PGRMC1: variants seen among roughly 807,000 people sequenced by gnomAD.
PGRMC1 encodes membrane-associated progesterone receptor component 1.
For synonymous variants in PGRMC1, 73 were observed against 77.3 expected (o/e 0.94, Z 0.29); for missense variants, 145 against 169.0 (o/e 0.86, Z 0.79).
intron 1 of PGRMC1, among the ~76,000 whole-genome samples, chrX:119,237,592 A>T (rs934969501): frequency 2.7e-5 from 3 of 110,749 alleles, no homozygotes; most frequent in Non-Finnish European, 5.7e-5. Context: ...AGCAGGAGAG[A>T]AAGGATTAGA....
In PGRMC1 at chrX:119,236,450, G is replaced by T. The variant is rs759428201; in HGVS notation, c.87G>T (p.Pro29=). The T allele has an allele frequency of 8.3e-7, 1 of 1,210,052 alleles. No individual in the cohort carries two copies. Among genetic ancestry groups the T allele is most frequent in the East Asian group, 3.0e-5 (1 of 33,742 alleles). ...TGCTGCATGAGATTTTCACGTCGCC[G>T]CTCAACCTGCTGCTGCTTGGCCTCT... ...GGLLHEIFTS[P]LNLLLLGLCI... is the part of the protein sequence containing the mutation. The change falls in exon 1 of 3, where the codon CCG becomes CCT. Residue 29 remains proline (P), a synonymous_variant. Transcript: ENST00000217971.
chrX:119,241,527 A>C (rs1375519155), intron 2 of PGRMC1, among the ~76,000 whole-genome samples: 1 of 112,310 alleles, frequency 8.9e-6, no homozygotes, highest in Non-Finnish European at 1.9e-5. Flanking sequence ...TGTAGTGTCT[A>C]ACTTACAAAG....
chrX:119,242,617 T>C (rs1416031635), intron 2 of PGRMC1, among the ~76,000 whole-genome samples: 1 of 111,402 alleles, frequency 9.0e-6, no homozygotes, highest in Non-Finnish European at 1.9e-5. Flanking sequence ...AGGCTGGCTT[T>C]TCAGATCTTT....
chrX:119,244,078 A>G lies in PGRMC1; in HGVS notation c.*824A>G, dbSNP rs756868741. 1 of 112,417 alleles carries G rather than the reference A, an allele frequency of 8.9e-6. No individual in the cohort carries two copies. The allele number at this position is 112,417 out of a possible 1,213,427, so 9.3% of individuals were successfully genotyped here. ...TTGAAATGAGGGAGGGACATACAGA[A>G]TAGGAACAGGTGTTTGCTCTCCTAA... is the stretch of plus-strand genomic sequence containing the variant. On this transcript the variant is annotated 3_prime_UTR_variant, in exon 3 of 3. Transcript: ENST00000217971.
In PGRMC1 at chrX:119,236,646, G is replaced by A. The variant is rs1930705494; in HGVS notation, c.283G>A (p.Gly95Ser). Residue 95 changes from glycine (G) to serine (S), a missense_variant, in exon 1 of 3, where the codon GGC becomes AGC. By Grantham distance (56) the Gly-to-Ser change is moderately conservative. Transcript: ENST00000217971. ...CCCGCGCATACTCATGGCCATCAACGGCAAGGTGTTCGATGTGACCAAAGG... is the reference window on the plus strand; with the variant it reads ...CCCGCGCATACTCATGGCCATCAACAGCAAGGTGTTCGATGTGACCAAAGG... ...QDPRILMAIN[G>S]KVFDVTKGRK... 1 of 1,205,262 alleles carries A rather than the reference G, an allele frequency of 8.3e-7. No homozygotes were observed. Among genetic ancestry groups the A allele is most frequent in the Non-Finnish European group, 1.1e-6 (1 of 892,787 alleles).
In PGRMC1 at chrX:119,236,355, C is replaced by T; in HGVS notation, c.-9C>T. The stretch of plus-strand genomic sequence containing the variant: ...TGCCTAGCGCGGCCCAACCTTTACT[C>T]CAGAGATCATGGCTGCCGAGGATGT... On this transcript the variant is annotated 5_prime_UTR_variant, in exon 1 of 3. Coordinates refer to ENST00000217971, the MANE Select transcript of PGRMC1 (RefSeq NM_006667.5). The T allele has an allele frequency of 8.3e-7, 1 of 1,205,585 alleles. No individual in the cohort carries two copies. Among genetic ancestry groups the T allele is most frequent in the Non-Finnish European group, 1.1e-6 (1 of 890,805 alleles).
At position 119,240,376 on chromosome X, in the gene PGRMC1, G is replaced by A; in HGVS notation, c.396G>A (p.Lys132=). ...GCCTTGCCACATTTTGCCTGGATAA[G>A]GAAGCACTGAAGGATGAGTACGATG... ...SRGLATFCLD[K]EALKDEYDDL... is the part of the protein sequence containing the mutation. The change falls in exon 2 of 3, where the codon AAG becomes AAA. Residue 132 remains lysine (K), a synonymous_variant. Coordinates refer to ENST00000217971, the MANE Select transcript of PGRMC1 (RefSeq NM_006667.5). The A allele has an allele frequency of 8.3e-7, 1 of 1,208,865 alleles. No homozygotes were observed. Among genetic ancestry groups the A allele is most frequent in the Non-Finnish European group, 1.1e-6 (1 of 892,822 alleles).
At chrX:119,237,529 G>A (rs186391664) in intron 1 of PGRMC1, among the ~76,000 whole-genome samples, 14 of 110,736 alleles carry the variant, frequency 1.3e-4, no homozygotes, top group Admixed American at 1.9e-4. Context: ...GGCTGAATAT[G>A]GTGGACAATG....
chrX:119,238,274 C>G lies in PGRMC1; in HGVS notation c.328+1583C>G, dbSNP rs989471327. On this transcript the variant is annotated intron_variant, in intron 1 of 2. Coordinates refer to ENST00000217971, the MANE Select transcript of PGRMC1 (RefSeq NM_006667.5). ...CCTCCTGTGTTGCCCAGGCTGGTCT[C>G]GAACTCCTGGGCGCAAGCAGTCCTT... Among the ~76,000 whole-genome samples, 3 of 111,315 alleles carry G rather than the reference C, an allele frequency of 2.7e-5. No homozygotes were observed. The East Asian group carries it at 8.4e-4, about 31-fold the overall frequency.
chrX:119,240,228 T>C, intron 1 of PGRMC1, 81 bp from the exon 2 acceptor site: 1 of 977,494 alleles, frequency 1.0e-6, no homozygotes, highest in Non-Finnish European at 1.5e-6. Flanking sequence ...TGTTGATGAA[T>C]AGGGAAGCCA....
At chrX:119,237,264 A>G (rs1246835208) in intron 1 of PGRMC1, among the ~76,000 whole-genome samples, 3 of 110,944 alleles carry the variant, frequency 2.7e-5, no homozygotes, top group South Asian at 8.0e-4. Flanking sequence ...AGCAGCAGGT[A>G]AAAGCTTTGT....
Position 119,236,346 on chromosome X carries a change from A to G in PGRMC1, c.-18A>G. 8.3e-7 allele frequency: 1 copy of G among 1,200,208 alleles called. No individual in the cohort carries two copies. The highest frequency in any genetic ancestry group is 1.1e-6 in the Non-Finnish European group (1 of 886,746). On this transcript the variant is annotated 5_prime_UTR_variant, in exon 1 of 3. Coordinates refer to ENST00000217971, the MANE Select transcript of PGRMC1 (RefSeq NM_006667.5). ...CCGGATCCCTGCCTAGCGCGGCCCA[A>G]CCTTTACTCCAGAGATCATGGCTGC...
intron 1 of PGRMC1, 87 bp downstream of exon 1, chrX:119,236,778 G>A (rs1930710225): frequency 2.5e-6 from 2 of 804,662 alleles, no homozygotes; most frequent in African/African-American, 2.1e-5. Context: ...CGGGAGCGGG[G>A]CGCCCCTGAG....
At chrX:119,243,041 A>G in intron 2 of PGRMC1, 110 bp from the exon 3 acceptor site, 1 of 554,127 alleles carries the variant, frequency 1.8e-6, no homozygotes, top group East Asian at 3.5e-5. Context: ...GAAGCCCAAC[A>G]CATTGCTGAG....
In PGRMC1 at chrX:119,244,228, AAGT is replaced by A. The variant is rs1021516669; in HGVS notation, c.*981_*983del. Reference sequence around the variant, plus strand: ...TGTTATAAAACTATACCCACTGCAAAAGTAGTAGTCAAGTGTCTAGGTCTTTGA... The same window carrying A: ...TGTTATAAAACTATACCCACTGCAAAAGTAGTCAAGTGTCTAGGTCTTTGA... On this transcript the variant is annotated 3_prime_UTR_variant, in exon 3 of 3. Coordinates refer to ENST00000217971, the MANE Select transcript of PGRMC1 (RefSeq NM_006667.5). 1.8e-5 allele frequency: 2 copies of A among 112,656 alleles called. No individual in the cohort carries two copies. Among genetic ancestry groups the A allele is most frequent in the African/African-American group, 6.5e-5 (2 of 30,950 alleles). The allele number at this position is 112,656 out of a possible 1,213,427, so 9.3% of individuals were successfully genotyped here. A position where few individuals can be genotyped will look rare whatever the true frequency, so the allele number is the denominator to read the frequency against.
intron 2 of PGRMC1, among the ~76,000 whole-genome samples, chrX:119,242,149 C>T (rs568292632): frequency 9.0e-6 from 1 of 111,138 alleles, no homozygotes; most frequent in South Asian, 3.9e-4. Context: ...TTCCTCCCTA[C>T]AATATGGCTT....
At chrX:119,237,177 G>C (rs1930721036) in intron 1 of PGRMC1, among the ~76,000 whole-genome samples, 1 of 111,263 alleles carries the variant, frequency 9.0e-6, no homozygotes, top group South Asian at 3.9e-4. Flanking sequence ...TCCAGACCTA[G>C]AGAAGACGGG....
chrX:119,244,461 C>A lies in PGRMC1; in HGVS notation c.*1207C>A, dbSNP rs1048647695. ...GGTCAGTTAATAAAAATGGTTTTAC[C>A]CACTATAGTGTGGTGACTTATTTAA... is the stretch of plus-strand genomic sequence containing the variant. On this transcript the variant is annotated 3_prime_UTR_variant, in exon 3 of 3. Transcript: ENST00000217971. The A allele has an allele frequency of 5.3e-5, 6 of 112,295 alleles. No individual in the cohort carries two copies. The highest frequency in any genetic ancestry group is 1.9e-4 in the African/African-American group (6 of 30,781). 9.3% of individuals were successfully genotyped at this position (112,295 alleles called of 1,213,427 possible).
At chrX:119,239,405 G>A (rs1333823640) in intron 1 of PGRMC1, among the ~76,000 whole-genome samples, 2 of 111,859 alleles carry the variant, frequency 1.8e-5, no homozygotes, top group Non-Finnish European at 3.8e-5. Flanking sequence ...TTTAATGTCA[G>A]GGCTGCTATT....
Sources: allele counts gnomAD v4.1 joint callset (sites outside exome capture counted in the v4.1 genomes callset), GRCh38; gene constraint gnomAD v4.1.1; transcripts MANE v1.5; gene names NCBI Gene and HGNC (gene_info 2026-07-23, HGNC 2026-07-21).